CCSER1: variants seen among roughly 807,000 people sequenced by gnomAD.
CCSER1 encodes the protein serine-rich coiled-coil domain-containing protein 1.
Under a neutral mutation model 82.0 loss-of-function variants are expected in CCSER1, and 41 were observed. The observed-to-expected ratio is 0.50, with a 90% CI of 0.39 to 0.65. CCSER1 has a LOEUF of 0.65. CCSER1 is among the 30% of genes least tolerant of loss of function. The pLI is 0.00. For missense variants in CCSER1, 1,119 were observed against 1,064.2 expected (o/e 1.05, Z -0.72); for synonymous variants, 414 against 383.9 (o/e 1.08, Z -0.92).
intron 1 of CCSER1, among the ~76,000 whole-genome samples, chr4:90,163,542 A>C (rs548841704): frequency 1.3e-5 from 2 of 152,296 alleles, no homozygotes; most frequent in East Asian, 3.9e-4. Context: ...ACCTATTATT[A>C]TTAATTCACA....
Position 90,137,138 on chromosome 4 carries a change from G to A in CCSER1, c.-42+9307G>A, listed in dbSNP as rs970307247. On this transcript the variant is annotated intron_variant, in intron 1 of 10. Transcript: ENST00000509176. Reference sequence around the variant, plus strand: ...ATTAAAAGTACTCATTAATAAATGAGCTCCACAGAAGTCAGAATGTGACTC... The same window carrying A: ...ATTAAAAGTACTCATTAATAAATGAACTCCACAGAAGTCAGAATGTGACTC... Among the ~76,000 whole-genome samples the A allele has an allele frequency of 2.6e-5, 4 of 152,108 alleles. No homozygotes were observed. The South Asian group carries it at 8.3e-4, about 31-fold the overall frequency.
Position 90,195,429 on chromosome 4 carries a change from C to G in CCSER1, c.-42+67598C>G, listed in dbSNP as rs146499778. Among the ~76,000 whole-genome samples, 3 of 152,016 alleles carry G rather than the reference C, an allele frequency of 2.0e-5. No homozygotes were observed. In the East Asian group the frequency reaches 5.8e-4, roughly 29 times the overall value. On this transcript the variant is annotated intron_variant, in intron 1 of 10. Transcript: ENST00000509176. ...AAAACTATGGAGACAGTAAAATGAT[C>G]AGTGGTTTCCAGGGATATCCAGGGA...
At chr4:90,705,503 C>CA (rs1739157070) in intron 6 of CCSER1, among the ~76,000 whole-genome samples, 2 of 152,304 alleles carry the variant, frequency 1.3e-5, no homozygotes, top group Non-Finnish European at 1.5e-5. Context: ...TCAAAGGTGT[C>CA]AGACAGGGAC....
chr4:90,675,377 AT>A (rs1257363122), intron 6 of CCSER1, among the ~76,000 whole-genome samples: 6 of 151,876 alleles, frequency 4.0e-5, no homozygotes, highest in African/African-American at 1.4e-4. Flanking sequence ...AAAATATTCT[AT>A]ATTACTATAT....
At chr4:91,085,792 A>G (rs1333091096) in intron 9 of CCSER1, among the ~76,000 whole-genome samples, 158 bp from the exon 10 acceptor site, 5 of 152,150 alleles carry the variant, frequency 3.3e-5, no homozygotes, top group Admixed American at 2.6e-4. Context: ...CTACACACAC[A>G]TAGACACATA....
At chr4:91,499,084 T>A (rs1227089815) in intron 10 of CCSER1, among the ~76,000 whole-genome samples, 1 of 151,964 alleles carries the variant, frequency 6.6e-6, no homozygotes, top group African/African-American at 2.4e-5. Context: ...CTTAAACCCA[T>A]GAATGGAAAG....
chr4:90,967,979 C>T (rs1734731699), intron 9 of CCSER1, among the ~76,000 whole-genome samples: 1 of 151,992 alleles, frequency 6.6e-6, no homozygotes, highest in Non-Finnish European at 1.5e-5. Context: ...CCAAGAGAGA[C>T]CCTCTTAATC....
At chr4:90,538,910 ACTTTGG>A (rs1298040498) in intron 5 of CCSER1, among the ~76,000 whole-genome samples, 1 of 152,030 alleles carries the variant, frequency 6.6e-6, no homozygotes, top group East Asian at 1.9e-4. Context: ...TATGTGAATT[ACTTTGG>A]CATCTGATAT....
At chr4:90,257,832 A>G (rs1723626782) in intron 1 of CCSER1, among the ~76,000 whole-genome samples, 1 of 152,058 alleles carries the variant, frequency 6.6e-6, no homozygotes, top group Non-Finnish European at 1.5e-5. Context: ...ATTCCCCCTG[A>G]CTCAGCCTTT....
chr4:90,229,694 T>C (rs6532220), intron 1 of CCSER1, among the ~76,000 whole-genome samples: 1 of 152,116 alleles, frequency 6.6e-6, no homozygotes, highest in East Asian at 1.9e-4. Context: ...TAAAGAGTCA[T>C]GACCCATCAG....
At chr4:90,253,606 T>G (rs1722765339) in intron 1 of CCSER1, among the ~76,000 whole-genome samples, 1 of 152,210 alleles carries the variant, frequency 6.6e-6, no homozygotes, top group African/African-American at 2.4e-5. Context: ...CTCTTGATGC[T>G]TTCAAGATTT....
rs1176154331 is a variant in CCSER1 at position 90,271,862 on chromosome 4, AT to A, written c.-41-36354del. 7.4e-3 allele frequency among the ~76,000 whole-genome samples: 161 copies of A among 21,634 alleles called. 3 individuals are homozygous for A. The highest frequency in any genetic ancestry group is 9.9e-3 in the Non-Finnish European group (139 of 14,062). The allele number at this position is 21,634 out of a possible 152,430, so 14.2% of individuals were successfully genotyped here. On this transcript the variant is annotated intron_variant, in intron 1 of 10. Coordinates refer to ENST00000509176, the MANE Select transcript of CCSER1 (RefSeq NM_001145065.2). ...TATATATATATATATATATATATAT[AT>A]TTTTTTTTTTTTTTTTTTTTTTTTT...
At chr4:90,809,532 G>A (rs1757971805) in intron 7 of CCSER1, among the ~76,000 whole-genome samples, 2 of 152,068 alleles carry the variant, frequency 1.3e-5, no homozygotes, top group African/African-American at 2.4e-5. Context: ...AGACTTAGAA[G>A]CAGGGAAGTG....
chr4:91,588,132 T>A lies in CCSER1; in HGVS notation c.2218-10440T>A, dbSNP rs1007220738. On this transcript the variant is annotated intron_variant, in intron 10 of 10. Coordinates refer to ENST00000509176, the MANE Select transcript of CCSER1 (RefSeq NM_001145065.2). ...TTTAAAAATCAATTTTAGATCTTTT[T>A]AAGGATGACTAACTTTGAAGCTGGT... Among the ~76,000 whole-genome samples, 3 of 151,578 alleles carry A rather than the reference T, an allele frequency of 2.0e-5. No individual in the cohort carries two copies. In the Admixed American group the frequency reaches 2.0e-4, roughly 10 times the overall value.
intron 10 of CCSER1, among the ~76,000 whole-genome samples, chr4:91,426,848 T>G (rs1157307504): frequency 1.3e-5 from 2 of 152,200 alleles, no homozygotes; most frequent in Non-Finnish European, 2.9e-5. Context: ...TACTATATGC[T>G]GGGTACTAAG....
At chr4:90,630,877 T>TATC (rs1229214359) in intron 6 of CCSER1, among the ~76,000 whole-genome samples, 1 of 79,720 alleles carries the variant, frequency 1.3e-5, no homozygotes, top group East Asian at 4.8e-4. Flanking sequence ...AGATTATTAT[T>TATC]ATTATTATTA....
chr4:91,227,872 A>G (rs993421789), intron 10 of CCSER1, among the ~76,000 whole-genome samples: 1 of 152,028 alleles, frequency 6.6e-6, no homozygotes, highest in Non-Finnish European at 1.5e-5. Flanking sequence ...AAATATCTCA[A>G]TTGCCTCTGT....
chr4:91,205,745 A>G (rs941176333), intron 10 of CCSER1, among the ~76,000 whole-genome samples: 8 of 149,266 alleles, frequency 5.4e-5, no homozygotes, highest in African/African-American at 2.0e-4. Context: ...CTCATGTTAC[A>G]TTCTCTATTT....
At chr4:90,780,570 C>A in intron 7 of CCSER1, 1 of 1,530,582 alleles carries the variant, frequency 6.5e-7, no homozygotes, top group South Asian at 1.3e-5. Context: ...AGACTCTTTC[C>A]ATCCAGTTCT....
Sources: allele counts gnomAD v4.1 joint callset (sites outside exome capture counted in the v4.1 genomes callset), GRCh38; gene constraint gnomAD v4.1.1; transcripts MANE v1.5; gene names NCBI Gene and HGNC (gene_info 2026-07-23, HGNC 2026-07-21).